The following IWS1 variants were observed in gnomAD, a reference collection of about 807,000 sequenced individuals.
The protein encoded by IWS1 is protein IWS1 homolog.
Under a neutral mutation model 86.7 loss-of-function variants are expected in IWS1, and 27 were observed. The ratio of observed to expected loss-of-function variants is 0.31; its 90% confidence interval spans 0.23 to 0.43. IWS1 has a LOEUF of 0.43. Among genes scored for constraint, IWS1 ranks in the 20% least tolerant of loss-of-function variants. IWS1 has a pLI of 1.00. For missense variants in IWS1, 827 were observed against 1,000.8 expected, an observed-to-expected ratio of 0.83 and a Z score of 2.34; for synonymous variants, 313 against 335.1, an observed-to-expected ratio of 0.93 and a Z score of 0.72.
chr2:127,483,576 C>G (rs6430940), intron 13 of IWS1, among the ~76,000 whole-genome samples: 30,855 of 33,958 alleles, frequency 0.91, 14,362 homozygotes, highest in East Asian at 0.99. Context: ...TTGGTCGGGG[C>G]GGGGGGTGGT....
rs62156560 is a variant in IWS1 at position 127,487,111 on chromosome 2, T to C, written c.2217-447A>G. Among the ~76,000 whole-genome samples, 1,143 of 152,352 alleles carry C rather than the reference T, an allele frequency of 7.5e-3. 12 individuals are homozygous for C. The highest frequency in any genetic ancestry group is 0.013 in the Non-Finnish European group (856 of 68,034). ...GTATGCCTATAAAGTAGTTTTTCAA[T>C]ATACAACTCATACATCAATTTTTAA... On this transcript the variant is annotated intron_variant, in intron 12 of 13. Coordinates refer to ENST00000295321, the MANE Select transcript of IWS1 (RefSeq NM_017969.3).
intron 2 of IWS1, among the ~76,000 whole-genome samples, chr2:127,506,419 G>A (rs1691153176): frequency 6.6e-6 from 1 of 151,834 alleles, no homozygotes; most frequent in Non-Finnish European, 1.5e-5. Flanking sequence ...AGAAATACAA[G>A]CAAACATGTA....
chr2:127,526,961 T>C (rs1558778472), upstream of IWS1: 1 of 267,984 alleles, frequency 3.7e-6, no homozygotes, highest in Non-Finnish European at 7.7e-6. Context: ...TTCCTCTCTT[T>C]CATTCTAAAC....
intron 7 of IWS1, among the ~76,000 whole-genome samples, chr2:127,495,321 T>A (rs983649468): frequency 6.6e-6 from 1 of 152,226 alleles, no homozygotes; most frequent in African/African-American, 2.4e-5. Flanking sequence ...GATATTGGAA[T>A]ATACTATATC....
intron 12 of IWS1, among the ~76,000 whole-genome samples, chr2:127,487,202 G>C (rs558828787): frequency 6.6e-6 from 1 of 151,840 alleles, no homozygotes; most frequent in African/African-American, 2.4e-5. Context: ...AAAAATGATA[G>C]AGAGAGAGAT....
chr2:127,501,680 TA>T (rs1248798919), intron 5 of IWS1: 4 of 152,158 alleles, frequency 2.6e-5, no homozygotes, highest in Non-Finnish European at 4.4e-5. Flanking sequence ...AATCTGATGC[TA>T]AACTCATCCA....
At chr2:127,501,414 T>C (rs1297727372) in intron 5 of IWS1, among the ~76,000 whole-genome samples, 3 of 152,186 alleles carry the variant, frequency 2.0e-5, no homozygotes, top group Non-Finnish European at 4.4e-5. Context: ...TAGTTAGGTG[T>C]AGATTTCTTT....
Position 127,489,112 on chromosome 2 carries a change from T to G in IWS1, c.2216+67A>C. The G allele has an allele frequency of 8.7e-7, 1 of 1,144,046 alleles. No individual in the cohort carries two copies. Among genetic ancestry groups the G allele is most frequent in the Non-Finnish European group, 1.3e-6 (1 of 774,308 alleles). 70.9% of individuals were successfully genotyped at this position (1,144,046 alleles called of 1,614,324 possible). A position where few individuals can be genotyped will look rare whatever the true frequency, so the allele number is the denominator to read the frequency against. Reference sequence around the variant, plus strand: ...GCATAACATCATTTCATTTACTACTTTTCTTAAAGCAGCAAACGGAAATTC... The same window carrying G: ...GCATAACATCATTTCATTTACTACTGTTCTTAAAGCAGCAAACGGAAATTC... On this transcript the variant is annotated intron_variant, in intron 12 of 13. Coordinates refer to ENST00000295321, the MANE Select transcript of IWS1 (RefSeq NM_017969.3). This position sits in a 1 kb window ranked among gnomAD's most constrained non-coding sequence, Gnocchi z 4.8.
Position 127,505,087 on chromosome 2 carries a change from T to G in IWS1, c.816A>C (p.Arg272=). 6.2e-7 allele frequency: 1 copy of G among 1,611,664 alleles called. No individual in the cohort carries two copies. Among genetic ancestry groups the G allele is most frequent in the Non-Finnish European group, 8.5e-7 (1 of 1,179,382 alleles). ...GATCCTCACTTTCCGAATCACTGAT[T>G]CGGGGTTTGGGAAGCTCTTCATTTT... ...DSENEELPKP[R]ISDSESEDPP... The change falls in exon 3 of 14, where the codon CGA becomes CGC. Residue 272 remains arginine (R), a synonymous_variant. Transcript: ENST00000295321. The surrounding 1 kb of genome is among the most constrained non-coding windows in gnomAD (Gnocchi z 5.0).
chr2:127,509,745 C>G (rs1248091045), intron 2 of IWS1, among the ~76,000 whole-genome samples: 1 of 145,242 alleles, frequency 6.9e-6, no homozygotes, highest in Non-Finnish European at 1.5e-5. Flanking sequence ...ATCGATAATG[C>G]CTCATACCTC....
intron 2 of IWS1, among the ~76,000 whole-genome samples, chr2:127,517,795 T>C (rs1691856918): frequency 1.3e-5 from 2 of 152,200 alleles, no homozygotes; most frequent in African/African-American, 4.8e-5. Context: ...GCATTATTCA[T>C]AATACCAAAA....
At chr2:127,497,784 A>G (rs1008592493) in intron 6 of IWS1, among the ~76,000 whole-genome samples, 2 of 152,224 alleles carry the variant, frequency 1.3e-5, no homozygotes, top group Admixed American at 1.3e-4. Context: ...TGGTCAAGTA[A>G]TATTTTGTAG....
In IWS1 at chr2:127,519,941, T is replaced by C. The variant is rs553287877; in HGVS notation, c.150+3735A>G. On this transcript the variant is annotated intron_variant, in intron 2 of 13. Transcript: ENST00000295321. Reference sequence around the variant, plus strand: ...TCAGCCAAGAAATGCAGGTAGCCACTACAAACTGAAGAAAGCAAGGAAATG... The same window carrying C: ...TCAGCCAAGAAATGCAGGTAGCCACCACAAACTGAAGAAAGCAAGGAAATG... Among the ~76,000 whole-genome samples, 57 of 152,292 alleles carry C rather than the reference T, an allele frequency of 3.7e-4. No individual in the cohort carries two copies. The South Asian group carries it at 0.011, about 30-fold the overall frequency.
intron 2 of IWS1, among the ~76,000 whole-genome samples, chr2:127,512,590 C>T (rs927921363): frequency 6.6e-6 from 1 of 152,198 alleles, no homozygotes; most frequent in Non-Finnish European, 1.5e-5. Context: ...ACCTGTTGCT[C>T]TTCTAGCTAG....
chr2:127,515,898 C>T (rs1375408959), intron 2 of IWS1, among the ~76,000 whole-genome samples: 5 of 152,120 alleles, frequency 3.3e-5, no homozygotes, highest in Non-Finnish European at 5.9e-5. Context: ...ATCTCTCATC[C>T]GGCTCCCCAG....
upstream of IWS1, chr2:127,526,550 G>A: frequency 2.1e-6 from 3 of 1,435,316 alleles, no homozygotes; most frequent in Non-Finnish European, 1.9e-6. Flanking sequence ...CGGCCAATGA[G>A]AAGACGCAAC....
At chr2:127,516,970 A>T (rs1283083018) in intron 2 of IWS1, among the ~76,000 whole-genome samples, 2 of 152,238 alleles carry the variant, frequency 1.3e-5, no homozygotes, top group Non-Finnish European at 2.9e-5. Flanking sequence ...ATAGTAGGAA[A>T]AGTGTTTAGG....
chr2:127,484,075 G>A (rs562037250), intron 13 of IWS1, among the ~76,000 whole-genome samples: 7 of 152,190 alleles, frequency 4.6e-5, no homozygotes, highest in East Asian at 1.9e-4. Context: ...AGGCCGAGGC[G>A]GGCAGATCAC....
chr2:127,490,408 T>C (rs987714498), intron 10 of IWS1, among the ~76,000 whole-genome samples: 1 of 152,178 alleles, frequency 6.6e-6, no homozygotes, highest in Non-Finnish European at 1.5e-5. Context: ...AGTTTAATAG[T>C]GCGGGTGGAG....
Sources: allele counts gnomAD v4.1 joint callset (sites outside exome capture counted in the v4.1 genomes callset), GRCh38; gene constraint gnomAD v4.1.1; non-coding constraint Gnocchi (gnomAD v3.1); transcripts MANE v1.5; gene names NCBI Gene and HGNC (gene_info 2026-07-23, HGNC 2026-07-21).